Variants in RAB3B observed in about 807,000 individuals in gnomAD.
The protein encoded by RAB3B is ras-related protein Rab-3B.
A neutral mutation model predicts 20.5 loss-of-function variants in RAB3B; 11 were observed. That is an observed-to-expected ratio of 0.54 (90% CI 0.34 to 0.89). The LOEUF (loss-of-function observed/expected upper bound fraction) is 0.89. Among genes scored for constraint, RAB3B ranks in the 40% least tolerant of loss-of-function variants. The pLI, the probability that RAB3B is intolerant of heterozygous loss-of-function variation, is 0.02. For synonymous variants in RAB3B, 99 were observed against 106.3 expected, an observed-to-expected ratio of 0.93 and a Z score of 0.42; for missense variants, 225 against 280.9, an observed-to-expected ratio of 0.80 and a Z score of 1.42.
In RAB3B at chr1:51,910,928, A is replaced by G. The variant is rs566626609; in HGVS notation, c.*8999T>C. 2.0e-5 allele frequency: 3 copies of G among 152,356 alleles called. No homozygotes were observed. The highest frequency in any genetic ancestry group is 4.1e-4 in the South Asian group (2 of 4,828). 9.4% of individuals were successfully genotyped at this position (152,356 alleles called of 1,614,324 possible). On this transcript the variant is annotated 3_prime_UTR_variant, in exon 5 of 5. Coordinates refer to ENST00000371655, the MANE Select transcript of RAB3B (RefSeq NM_002867.4). Reference sequence around the variant, plus strand: ...TCTGTGACATGATTTTCTACCAAGCAAAGTCTTTTATTCAAGTCTCCCAGA... The same window carrying G: ...TCTGTGACATGATTTTCTACCAAGCGAAGTCTTTTATTCAAGTCTCCCAGA...
At chr1:51,961,746 G>T (rs1316564005) in intron 2 of RAB3B, among the ~76,000 whole-genome samples, 1 of 152,010 alleles carries the variant, frequency 6.6e-6, no homozygotes, top group African/African-American at 2.4e-5. Context: ...TCCATACATG[G>T]GTTTTGAAGA....
At chr1:51,946,156 G>C (rs1684561262) in intron 2 of RAB3B, among the ~76,000 whole-genome samples, 1 of 152,248 alleles carries the variant, frequency 6.6e-6, no homozygotes, top group African/African-American at 2.4e-5. Context: ...AGATAATGTA[G>C]GGGTAGAGCC....
At chr1:51,937,442 T>G in intron 2 of RAB3B, 30 bp from the exon 3 acceptor site, 10 of 1,465,000 alleles carry the variant, frequency 6.8e-6, no homozygotes, top group South Asian at 1.3e-5. Flanking sequence ...AAACAATCTC[T>G]TAGAAAGTCT....
At chr1:51,931,906 G>T (rs974186988) in intron 4 of RAB3B, among the ~76,000 whole-genome samples, 1 of 152,018 alleles carries the variant, frequency 6.6e-6, no homozygotes, top group Non-Finnish European at 1.5e-5. Context: ...AGCCTCCAGG[G>T]AGACTACAGG....
chr1:51,977,977 A>G (rs1282417842), intron 1 of RAB3B, among the ~76,000 whole-genome samples: 1 of 152,122 alleles, frequency 6.6e-6, no homozygotes, highest in Admixed American at 6.5e-5. Flanking sequence ...ATCTAATTAC[A>G]CACTTTATGC....
intron 2 of RAB3B, among the ~76,000 whole-genome samples, chr1:51,971,180 G>A (rs1262265102): frequency 1.3e-5 from 2 of 151,524 alleles, no homozygotes; most frequent in East Asian, 3.9e-4. Context: ...GGCTTTAATA[G>A]TTGAAGACAT....
intron 2 of RAB3B, among the ~76,000 whole-genome samples, chr1:51,970,928 G>A (rs529476186): frequency 1.3e-5 from 2 of 150,020 alleles, no homozygotes; most frequent in East Asian, 2.0e-4. Flanking sequence ...GGAGAATGGC[G>A]TGAACCCAGG....
At chr1:51,949,901 C>T (rs12132616) in intron 2 of RAB3B, among the ~76,000 whole-genome samples, 110 of 152,140 alleles carry the variant, frequency 7.2e-4, no homozygotes, top group Non-Finnish European at 1.1e-3. Context: ...AAGCTCTTGT[C>T]CCACATCCAA....
At chr1:51,923,593 T>C (rs1422161524) in intron 4 of RAB3B, among the ~76,000 whole-genome samples, 2 of 151,876 alleles carry the variant, frequency 1.3e-5, no homozygotes, top group East Asian at 1.9e-4. Flanking sequence ...GCACTGCCTG[T>C]AATCCCAGCT....
At chr1:51,932,926 A>AATT (rs1167250940) in intron 4 of RAB3B, among the ~76,000 whole-genome samples, 1 of 151,776 alleles carries the variant, frequency 6.6e-6, no homozygotes, top group Non-Finnish European at 1.5e-5. Context: ...GCTTCCTCTT[A>AATT]TTTTTCCCTC....
intron 1 of RAB3B, among the ~76,000 whole-genome samples, chr1:51,988,654 G>A (rs1571984496): frequency 1.3e-5 from 2 of 152,248 alleles, no homozygotes; most frequent in South Asian, 2.1e-4. Context: ...ATTGAGGCAG[G>A]AGCACCAATT....
intron 1 of RAB3B, among the ~76,000 whole-genome samples, chr1:51,979,137 GAGGAAGAA>G (rs1202441133): frequency 1.3e-5 from 2 of 152,184 alleles, no homozygotes; most frequent in Admixed American, 6.5e-5. Context: ...CACTTACATG[GAGGAAGAA>G]AGTGAGGTTG....
At chr1:51,921,900 CAT>C (rs1348185678) in intron 4 of RAB3B, among the ~76,000 whole-genome samples, 1 of 152,220 alleles carries the variant, frequency 6.6e-6, no homozygotes, top group East Asian at 1.9e-4. Flanking sequence ...TTCCACCATC[CAT>C]AGAGAGGGCT....
intron 2 of RAB3B, among the ~76,000 whole-genome samples, chr1:51,945,303 C>T (rs1684549571): frequency 2.0e-5 from 3 of 152,160 alleles, no homozygotes; most frequent in African/African-American, 7.2e-5. Flanking sequence ...TCCCAAAGTG[C>T]TAGGATTACA....
intron 2 of RAB3B, among the ~76,000 whole-genome samples, chr1:51,956,568 C>A (rs185670880): frequency 1.3e-5 from 2 of 152,296 alleles, no homozygotes; most frequent in Non-Finnish European, 2.9e-5. Flanking sequence ...AGGTTCTGAC[C>A]AACCTGGACA....
At chr1:51,950,717 C>G (rs560656497) in intron 2 of RAB3B, among the ~76,000 whole-genome samples, 1 of 152,290 alleles carries the variant, frequency 6.6e-6, no homozygotes, top group East Asian at 1.9e-4. Context: ...CAGCCAGACT[C>G]CTCTCTCTTC....
At chr1:51,962,359 C>T (rs1264011322) in intron 2 of RAB3B, among the ~76,000 whole-genome samples, 3 of 152,220 alleles carry the variant, frequency 2.0e-5, no homozygotes, top group South Asian at 4.2e-4. Flanking sequence ...CTGTTCATTG[C>T]CACAATTATT....
chr1:51,956,588 G>A (rs1684709498), intron 2 of RAB3B, among the ~76,000 whole-genome samples: 1 of 152,060 alleles, frequency 6.6e-6, no homozygotes, highest in Non-Finnish European at 1.5e-5. Context: ...AACTCCATAG[G>A]CCCCAAACAT....
At position 51,911,024 on chromosome 1, in the gene RAB3B, C is replaced by G. The variant is rs971260578; in HGVS notation, c.*8903G>C. 9 of 152,198 alleles carry G rather than the reference C, an allele frequency of 5.9e-5. No individual in the cohort carries two copies. Among genetic ancestry groups the G allele is most frequent in the African/African-American group, 2.2e-4 (9 of 41,456 alleles). The allele number at this position is 152,198 out of a possible 1,614,324, so 9.4% of individuals were successfully genotyped here. On this transcript the variant is annotated 3_prime_UTR_variant, in exon 5 of 5. Coordinates refer to ENST00000371655, the MANE Select transcript of RAB3B (RefSeq NM_002867.4). ...GAAGAGAAGTAAACAGAAGCATATA[C>G]CACACAACTCAGTCCAGTCAGTAGT...
Sources: gnomAD v4.1 joint callset for allele counts (sites outside exome capture counted in the v4.1 genomes callset) on GRCh38, gnomAD v4.1.1 for gene constraint, MANE v1.5 for transcripts, NCBI Gene and HGNC (gene_info 2026-07-23, HGNC 2026-07-21) for gene names.